The following ADCY8 variants were observed in gnomAD, a reference collection of about 807,000 sequenced individuals.
The protein encoded by ADCY8 is adenylate cyclase 8.
ADCY8 carries 51 observed loss-of-function variants against 119.7 expected under a neutral mutation model. That is an observed-to-expected ratio of 0.43 (90% CI 0.34 to 0.54). The LOEUF (loss-of-function observed/expected upper bound fraction) is 0.54. Ranked by LOEUF, ADCY8 falls within the 20% of genes least tolerant of loss-of-function variation. The pLI is 0.03. For synonymous variants in ADCY8, 665 were observed against 651.0 expected (o/e 1.02, Z -0.33); for missense variants, 1,383 against 1,598.8 (o/e 0.87, Z 2.30).
chr8:130,919,303 G>GCACA (rs150748885), intron 5 of ADCY8, among the ~76,000 whole-genome samples: 4 of 149,858 alleles, frequency 2.7e-5, no homozygotes, highest in Non-Finnish European at 5.9e-5. Context: ...ACTCACACTC[G>GCACA]CACACACACA....
chr8:130,915,993 G>T (rs941087316), intron 5 of ADCY8, among the ~76,000 whole-genome samples: 1 of 152,150 alleles, frequency 6.6e-6, no homozygotes, highest in African/African-American at 2.4e-5. Context: ...GGTCAACTAC[G>T]TTCATTGCCC....
In ADCY8 at chr8:130,795,695, A is replaced by T. The variant is rs77125543; in HGVS notation, c.3060+4731T>A. Among the ~76,000 whole-genome samples, 1,343 of 152,272 alleles carry T rather than the reference A, an allele frequency of 8.8e-3. 15 individuals carry two copies. The highest frequency in any genetic ancestry group is 0.031 in the African/African-American group (1,277 of 41,560). ...TTGTTTCAGGCATCATCTCAAAATTAATCAGGGGCTAAGAAACTTGGAAAA... is the reference window on the plus strand; with the variant it reads ...TTGTTTCAGGCATCATCTCAAAATTTATCAGGGGCTAAGAAACTTGGAAAA... On this transcript the variant is annotated intron_variant, in intron 15 of 17. Coordinates refer to ENST00000286355, the MANE Select transcript of ADCY8 (RefSeq NM_001115.3).
intron 16 of ADCY8, 47 bp downstream of exon 16, chr8:130,785,336 A>T: frequency 7.2e-7 from 1 of 1,394,910 alleles, no homozygotes; most frequent in Non-Finnish European, 9.8e-7. Flanking sequence ...ACATGACAAC[A>T]GCAAGACCCC....
intron 2 of ADCY8, among the ~76,000 whole-genome samples, chr8:130,964,471 A>G (rs938845957): frequency 1.6e-4 from 24 of 152,224 alleles, no homozygotes; most frequent in African/African-American, 5.8e-4. Flanking sequence ...GACTAAGTAA[A>G]TAGGAAAAGA....
At chr8:130,945,086 C>T (rs900540711) in intron 3 of ADCY8, among the ~76,000 whole-genome samples, 5 of 152,130 alleles carry the variant, frequency 3.3e-5, no homozygotes, top group Admixed American at 1.3e-4. Flanking sequence ...GAGAACAGTA[C>T]ATTCTAGGGT....
At chr8:130,924,214 T>C (rs1563730632) in intron 5 of ADCY8, among the ~76,000 whole-genome samples, 1 of 152,338 alleles carries the variant, frequency 6.6e-6, no homozygotes, top group East Asian at 1.9e-4. Context: ...CTCTGTTAGC[T>C]TGTATGGCAG....
chr8:131,002,236 G>A (rs1276106591), intron 1 of ADCY8, among the ~76,000 whole-genome samples: 1 of 152,206 alleles, frequency 6.6e-6, no homozygotes, highest in Non-Finnish European at 1.5e-5. Context: ...TACTCAATAT[G>A]TATTGACTGT....
intron 13 of ADCY8, among the ~76,000 whole-genome samples, chr8:130,814,588 A>T (rs1816278031): frequency 6.6e-6 from 1 of 152,240 alleles, no homozygotes; most frequent in Non-Finnish European, 1.5e-5. Context: ...TATAAAGGAA[A>T]GATGTTTAAT....
At chr8:130,874,585 C>G (rs1017139836) in intron 8 of ADCY8, among the ~76,000 whole-genome samples, 1 of 152,122 alleles carries the variant, frequency 6.6e-6, no homozygotes, top group African/African-American at 2.4e-5. Context: ...GTTAAGTTGA[C>G]TCACAAGGAA....
At chr8:131,003,104 G>A (rs1823002540) in intron 1 of ADCY8, among the ~76,000 whole-genome samples, 1 of 151,930 alleles carries the variant, frequency 6.6e-6, no homozygotes, top group African/African-American at 2.4e-5. Context: ...GGGAGGTGGA[G>A]GCAGGAGAAT....
intron 5 of ADCY8, among the ~76,000 whole-genome samples, chr8:130,934,354 A>G (rs1820722977): frequency 6.6e-6 from 1 of 152,020 alleles, no homozygotes; most frequent in South Asian, 2.1e-4. Context: ...CACATCTTAC[A>G]TAACAGAGAA....
chr8:131,013,655 A>C (rs916703207), intron 1 of ADCY8, among the ~76,000 whole-genome samples: 4 of 152,140 alleles, frequency 2.6e-5, no homozygotes, highest in Admixed American at 6.6e-5. Flanking sequence ...TGGTGTGAGC[A>C]TGAAGGGTGT....
chr8:130,887,860 A>G (rs1796902715), intron 7 of ADCY8, among the ~76,000 whole-genome samples: 2 of 98,062 alleles, frequency 2.0e-5, no homozygotes, highest in South Asian at 5.7e-4. Context: ...AAATCCATAC[A>G]CTGATATATT....
At chr8:130,859,146 A>T (rs1179534845) in intron 9 of ADCY8, among the ~76,000 whole-genome samples, 1 of 152,146 alleles carries the variant, frequency 6.6e-6, no homozygotes, top group Non-Finnish European at 1.5e-5. Context: ...GGCCCTCTCC[A>T]CTGACAGAGG....
At chr8:130,950,900 T>A (rs891993325) in intron 3 of ADCY8, among the ~76,000 whole-genome samples, 2 of 152,048 alleles carry the variant, frequency 1.3e-5, no homozygotes, top group African/African-American at 4.8e-5. Flanking sequence ...GGGTTTCACC[T>A]TGTTGGCCAG....
chr8:130,957,034 A>G (rs1281452593), intron 2 of ADCY8, among the ~76,000 whole-genome samples: 1 of 152,248 alleles, frequency 6.6e-6, no homozygotes. Flanking sequence ...GCGTTGCTGA[A>G]AAGATACCCC....
At position 130,783,070 on chromosome 8, in the gene ADCY8, C is replaced by A. The variant is rs978261568; in HGVS notation, c.3268+621G>T. Among the ~76,000 whole-genome samples the A allele has an allele frequency of 7.2e-5, 11 of 152,314 alleles. No individual in the cohort carries two copies. The South Asian group carries it at 2.3e-3, about 32-fold the overall frequency. ...GAATGTGGACTAGACCAGGGATATTCAGACTGCATTTTAGGAGGTCACTGA... is the reference window on the plus strand; with the variant it reads ...GAATGTGGACTAGACCAGGGATATTAAGACTGCATTTTAGGAGGTCACTGA... On this transcript the variant is annotated intron_variant, in intron 17 of 17. Transcript: ENST00000286355.
At chr8:130,855,117 C>CT (rs750380802) in intron 9 of ADCY8, among the ~76,000 whole-genome samples, 228 of 62,540 alleles carry the variant, frequency 3.6e-3, no homozygotes, top group Middle Eastern at 0.015. Flanking sequence ...CTCTCTCTCT[C>CT]TTTTTTTTTT....
rs537423287 is a variant in ADCY8, at chr8:130,968,121, C to T, written c.1111-16123G>A. Among the ~76,000 whole-genome samples, 71 of 151,264 alleles carry T rather than the reference C, an allele frequency of 4.7e-4. No individual in the cohort carries two copies. The Middle Eastern group carries it at 0.011, about 23-fold the overall frequency. On this transcript the variant is annotated intron_variant, in intron 2 of 17. Coordinates refer to ENST00000286355, the MANE Select transcript of ADCY8 (RefSeq NM_001115.3). ...ACTAGATGCAGGCAATAAGAGGGAC[C>T]GTGGTCTGTAGAGAATTTAAAATCA...
Sources: allele counts gnomAD v4.1 joint callset (sites outside exome capture counted in the v4.1 genomes callset), GRCh38; gene constraint gnomAD v4.1.1; transcripts MANE v1.5; gene names NCBI Gene and HGNC (gene_info 2026-07-23, HGNC 2026-07-21).